Variants in HIPK1 observed in about 807,000 individuals in gnomAD.
HIPK1 encodes the protein homeodomain-interacting protein kinase 1.
Under a neutral mutation model 117.1 loss-of-function variants are expected in HIPK1, and 28 were observed. That is an observed-to-expected ratio of 0.24 (90% CI 0.18 to 0.33). The LOEUF (loss-of-function observed/expected upper bound fraction) is 0.33. HIPK1 is among the 10% of genes least tolerant of loss of function. The pLI is 1.00. For synonymous variants in HIPK1, 605 were observed against 562.5 expected (o/e 1.08, Z -1.07); for missense variants, 1,122 against 1,475.1 (o/e 0.76, Z 3.92).
At chr1:113,929,875 C>G (rs1354301984) in intron 1 of HIPK1, 2 of 987,306 alleles carry the variant, frequency 2.0e-6, no homozygotes, top group African/African-American at 3.5e-5. Flanking sequence ...GGCCCCAGAT[C>G]TCGTCTCCTC....
In HIPK1 at chr1:113,966,273, G is replaced by T; in HGVS notation, c.2381+1G>T. 1 of 1,612,942 alleles carries T rather than the reference G, an allele frequency of 6.2e-7. No homozygotes were observed. Among genetic ancestry groups the T allele is most frequent in the East Asian group, 2.2e-5 (1 of 44,830 alleles). On this transcript the variant is annotated splice_donor_variant, in intron 11 of 15. Coordinates refer to ENST00000426820, the MANE Select transcript of HIPK1 (RefSeq NM_198268.3). LOFTEE classifies it high-confidence loss of function. ...GTGGACAGCAGCTAGCTGACTGGAGGCAAGTGTCCTGTGTTACTCTGGGAG... is the reference window on the plus strand; with the variant it reads ...GTGGACAGCAGCTAGCTGACTGGAGTCAAGTGTCCTGTGTTACTCTGGGAG...
intron 14 of HIPK1, among the ~76,000 whole-genome samples, chr1:113,971,482 C>A (rs184513969): frequency 1.3e-5 from 2 of 152,342 alleles, no homozygotes; most frequent in East Asian, 3.9e-4. Context: ...ATTATCATTT[C>A]TGTGCTTGTT....
intron 1 of HIPK1, among the ~76,000 whole-genome samples, chr1:113,931,351 A>G (rs1380821940): frequency 6.6e-6 from 1 of 152,174 alleles, no homozygotes; most frequent in Non-Finnish European, 1.5e-5. Flanking sequence ...GTGTTATAAT[A>G]CTGTTATGAT....
chr1:113,964,389 A>T (rs1478789002), intron 10 of HIPK1, among the ~76,000 whole-genome samples: 1 of 152,108 alleles, frequency 6.6e-6, no homozygotes, highest in Non-Finnish European at 1.5e-5. Flanking sequence ...AACAACCAAG[A>T]CTTTGAGGTG....
rs1220363812 is a variant in HIPK1, at chr1:113,976,334, C to T, written c.*2822C>T. On this transcript the variant is annotated 3_prime_UTR_variant, in exon 16 of 16. Coordinates refer to ENST00000426820, the MANE Select transcript of HIPK1 (RefSeq NM_198268.3). ...ATCTTTGTGTCTCCTTTTTGCCAAG[C>T]ACATTCTGATTTTCTTGTTGGAACA... 6.6e-6 allele frequency: 1 copy of T among 152,310 alleles called. No individual in the cohort carries two copies. Among genetic ancestry groups the T allele is most frequent in the East Asian group, 1.9e-4 (1 of 5,342 alleles). The allele number at this position is 152,310 out of a possible 1,614,324, so 9.4% of individuals were successfully genotyped here.
Position 113,955,601 on chromosome 1 carries a change from A to G in HIPK1, c.1359A>G (p.Ser453=), listed in dbSNP as rs375821752. The G allele has an allele frequency of 2.5e-5, 41 of 1,608,446 alleles. No individual in the cohort carries two copies. The highest frequency in any genetic ancestry group is 3.1e-5 in the Non-Finnish European group (37 of 1,175,218). Residue 453 remains serine (S), a synonymous_variant, in exon 5 of 16, where the codon TCA becomes TCG. Coordinates refer to ENST00000426820, the MANE Select transcript of HIPK1 (RefSeq NM_198268.3). ...ATGAACTGGAGACTGGAATAAAATC[A>G]AAAGAAGCTCGGAAGTACATTTTTA... ...EEHELETGIK[S]KEARKYIFNC...
At position 113,968,504 on chromosome 1, in the gene HIPK1, C is replaced by T; in HGVS notation, c.2627C>T (p.Thr876Ile). 1.2e-6 allele frequency: 2 copies of T among 1,614,142 alleles called. No individual in the cohort carries two copies. The highest frequency in any genetic ancestry group is 1.7e-6 in the Non-Finnish European group (2 of 1,179,954). ...YSLVGSSPLRTTSSYNSLVPV... is the reference protein window; with the variant it reads ...YSLVGSSPLRITSSYNSLVPV... The stretch of plus-strand genomic sequence containing the variant: ...CTGGTTGGGAGCAGTCCCCTCCGCA[C>T]CACATCTTCTTATAATTCCTTGGTC... Residue 876 changes from threonine (T) to isoleucine (I), a missense_variant, in exon 13 of 16, where the codon ACC becomes ATC. This residue lies in a region of HIPK1 where 731 missense variants were observed against 860.4 expected (regional missense o/e 0.85). Coordinates refer to ENST00000426820, the MANE Select transcript of HIPK1 (RefSeq NM_198268.3).
intron 2 of HIPK1, among the ~76,000 whole-genome samples, chr1:113,946,972 A>G (rs937893459): frequency 1.3e-5 from 2 of 152,184 alleles, no homozygotes; most frequent in Admixed American, 6.5e-5. Flanking sequence ...TTGTTGCCAT[A>G]TTAGAGTCCA....
chr1:113,929,558 G>GT, intron 1 of HIPK1, 26 bp downstream of exon 1: 1 of 1,278,974 alleles, frequency 7.8e-7, no homozygotes, highest in Non-Finnish European at 1.0e-6. Flanking sequence ...CGGGGCGGGT[G>GT]AATAGTTCCG....
chr1:113,929,643 G>A (rs1669698181), intron 1 of HIPK1, 111 bp downstream of exon 1: 1 of 1,028,958 alleles, frequency 9.7e-7, no homozygotes, highest in East Asian at 6.9e-5. Flanking sequence ...AACGGCGGCT[G>A]CGGAGCAAGG....
chr1:113,962,017 G>A (rs1486106396), intron 8 of HIPK1, among the ~76,000 whole-genome samples: 2 of 147,528 alleles, frequency 1.4e-5, no homozygotes, highest in East Asian at 2.0e-4. Context: ...GTTTTTGCCT[G>A]TACTCTTAAT....
chr1:113,943,276 A>G (rs769605707), intron 2 of HIPK1, among the ~76,000 whole-genome samples: 16 of 152,338 alleles, frequency 1.1e-4, no homozygotes, highest in South Asian at 1.0e-3. Flanking sequence ...CCATTAAGCA[A>G]TAACTCCCTA....
In HIPK1 at chr1:113,971,937, C is replaced by T. The variant is rs1241679961; in HGVS notation, c.3127C>T (p.Pro1043Ser). 1.2e-5 allele frequency: 19 copies of T among 1,610,636 alleles called. No homozygotes were observed. The highest frequency in any genetic ancestry group is 1.5e-5 in the Non-Finnish European group (18 of 1,178,514). Reference protein sequence around the residue: ...AQRGGTSAAQPLNLSQNQQSS... With the variant: ...AQRGGTSAAQSLNLSQNQQSS... ...ACGCGGGGGGACCAGTGCAGCACAA[C>T]CACTCAATCTTAGCCAGGTAAGTGC... Residue 1043 changes from proline (P) to serine (S), a missense_variant, in exon 15 of 16, where the codon CCA (proline) becomes TCA (serine). This residue lies in a region of HIPK1 where 731 missense variants were observed against 860.4 expected (regional missense o/e 0.85). Coordinates refer to ENST00000426820, the MANE Select transcript of HIPK1 (RefSeq NM_198268.3).
In HIPK1 at chr1:113,976,798, C is replaced by T. The variant is rs146468771; in HGVS notation, c.*3286C>T. 800 of 152,924 alleles carry T rather than the reference C, an allele frequency of 5.2e-3. 5 individuals carry two copies. Among genetic ancestry groups the T allele is most frequent in the Non-Finnish European group, 8.6e-3 (584 of 68,050 alleles). The allele number at this position is 152,924 out of a possible 1,614,324, so 9.5% of individuals were successfully genotyped here. ...GCTGGCCTGGGTCACAGTGACCTGA[C>T]CTCAAACCAGCTTAAGGCTTTAAGT... On this transcript the variant is annotated 3_prime_UTR_variant, in exon 16 of 16. Transcript: ENST00000426820.
chr1:113,938,686 A>C (rs549924180), intron 1 of HIPK1, among the ~76,000 whole-genome samples: 1 of 151,382 alleles, frequency 6.6e-6, no homozygotes, highest in Non-Finnish European at 1.5e-5. Context: ...AGGGGGGTGG[A>C]TCACTTGAGC....
Position 113,973,184 on chromosome 1 carries a change from C to T in HIPK1, c.3305C>T (p.Pro1102Leu), listed in dbSNP as rs199627451. The change falls in exon 16 of 16, where the codon CCT becomes CTT. Residue 1102 changes from proline (P) to leucine (L), a missense_variant. Physicochemically the swap from Pro to Leu is moderately conservative, Grantham distance 98. Transcript: ENST00000426820. ...GGGCACCCACACCTTGCCCCGGCCCCTGCTCACCTGCCAAGCCAGGCTCAT... is the reference window on the plus strand; with the variant it reads ...GGGCACCCACACCTTGCCCCGGCCCTTGCTCACCTGCCAAGCCAGGCTCAT... ...STGHPHLAPA[P>L]AHLPSQAHLY... 6.2e-7 allele frequency: 1 copy of T among 1,612,468 alleles called. No individual in the cohort carries two copies. Among genetic ancestry groups the T allele is most frequent in the African/African-American group, 1.3e-5 (1 of 75,040 alleles).
At chr1:113,951,333 T>C (rs1671351136) in intron 2 of HIPK1, 37 of 949,028 alleles carry the variant, frequency 3.9e-5, no homozygotes, top group South Asian at 2.4e-4. Flanking sequence ...TAATATATAA[T>C]ATACTCAATT....
In HIPK1 at chr1:113,941,412, C is replaced by T. The variant is rs149406766; in HGVS notation, c.1029C>T (p.His343=). ...VKVIDFGSAS[H]VSKAVCSTYL... ...TCATTGACTTTGGTTCTGCTAGTCA[C>T]GTTTCCAAAGCTGTGTGCTCAACCT... The change falls in exon 2 of 16, where the codon CAC becomes CAT. Residue 343 remains histidine (H), a synonymous_variant. Coordinates refer to ENST00000426820, the MANE Select transcript of HIPK1 (RefSeq NM_198268.3). The surrounding 1 kb of genome is among the most constrained non-coding windows in gnomAD (Gnocchi z 4.9). 67 of 1,614,022 alleles carry T rather than the reference C, an allele frequency of 4.2e-5. No individual in the cohort carries two copies. In the African/African-American group the frequency reaches 4.4e-4, roughly 11 times the overall value.
At chr1:113,967,997 T>C (rs1454982432) in intron 12 of HIPK1, 49 bp downstream of exon 12, 2 of 1,514,558 alleles carry the variant, frequency 1.3e-6, no homozygotes, top group East Asian at 4.5e-5. Context: ...GTTTGAGAGA[T>C]ATGTTGCCTT....
Sources: gnomAD v4.1 joint callset for allele counts (sites outside exome capture counted in the v4.1 genomes callset) on GRCh38, gnomAD v4.1.1 for gene constraint, gnomAD v4.1.1 regional missense constraint, Gnocchi (gnomAD v3.1) non-coding constraint, MANE v1.5 for transcripts, NCBI Gene and HGNC (gene_info 2026-07-23, HGNC 2026-07-21) for gene names.